KPNA6: variants seen among roughly 807,000 people sequenced by gnomAD.
KPNA6 encodes the protein importin subunit alpha-7.
KPNA6 carries 9 observed loss-of-function variants against 72.0 expected under a neutral mutation model. The ratio of observed to expected loss-of-function variants is 0.13; its 90% CI spans 0.08 to 0.22. The LOEUF is 0.22. Among genes scored for constraint, KPNA6 ranks in the 10% least tolerant of loss-of-function variants. The probability of loss-of-function intolerance (pLI) is 1.00; values close to 1 mark genes in which losing one functional copy is unlikely to be tolerated. For synonymous variants in KPNA6, 219 were observed against 242.1 expected, an observed-to-expected ratio of 0.90 and a Z score of 0.89; for missense variants, 374 against 655.7, an observed-to-expected ratio of 0.57 and a Z score of 4.69.
intron 1 of KPNA6, among the ~76,000 whole-genome samples, chr1:32,125,761 T>G (rs1202932160): frequency 6.6e-6 from 1 of 152,168 alleles, no homozygotes; most frequent in Non-Finnish European, 1.5e-5. Flanking sequence ...TCCAGAATCC[T>G]AATTTTTTGA....
intron 10 of KPNA6, 23 bp from the exon 11 acceptor site, chr1:32,166,082 T>C: frequency 6.3e-7 from 1 of 1,576,008 alleles, no homozygotes; most frequent in Non-Finnish European, 8.6e-7. Context: ...TTTCTTTTGT[T>C]TCCTGTGCTT....
chr1:32,111,687 T>C (rs963245218), intron 1 of KPNA6, among the ~76,000 whole-genome samples: 30 of 152,202 alleles, frequency 2.0e-4, no homozygotes, highest in Admixed American at 1.2e-3. Flanking sequence ...TGCCTTCACA[T>C]GCCCACAAGT....
rs1039173762 is a variant in KPNA6 at position 32,149,048 on chromosome 1, C to A, written c.5-5540C>A. ...CCACTCGATTCTGTTCATTTTTCTT[C>A]ATTCTTTATTCTTTCTGCTCCTCAG... On this transcript the variant is annotated intron_variant, in intron 1 of 13. Coordinates refer to ENST00000373625, the MANE Select transcript of KPNA6 (RefSeq NM_012316.5). Among the ~76,000 whole-genome samples, 20 of 152,208 alleles carry A rather than the reference C, an allele frequency of 1.3e-4. 1 individual carries two copies. Among genetic ancestry groups the A allele is most frequent in the African/African-American group, 4.6e-4 (19 of 41,522 alleles).
intron 1 of KPNA6, among the ~76,000 whole-genome samples, chr1:32,133,743 T>G (rs1299295055): frequency 6.6e-6 from 1 of 152,044 alleles, no homozygotes; most frequent in Admixed American, 6.6e-5. Flanking sequence ...GCAAGAATTC[T>G]ATATCTGGCC....
At chr1:32,130,758 A>G (rs1034009939) in intron 1 of KPNA6, among the ~76,000 whole-genome samples, 1 of 151,806 alleles carries the variant, frequency 6.6e-6, no homozygotes, top group Admixed American at 6.6e-5. Flanking sequence ...GTGAGACTCT[A>G]TCTCAAAGAA....
intron 11 of KPNA6, among the ~76,000 whole-genome samples, chr1:32,166,436 C>G (rs1485010886): frequency 1.3e-5 from 2 of 151,658 alleles, no homozygotes; most frequent in African/African-American, 4.9e-5. Context: ...ACCATCCTGG[C>G]CAACATGGTG....
intron 1 of KPNA6, among the ~76,000 whole-genome samples, chr1:32,135,771 G>T (rs12036007): frequency 6.6e-6 from 1 of 151,018 alleles, no homozygotes; most frequent in African/African-American, 2.4e-5. Flanking sequence ...CCTGGCCATA[G>T]AGTTATGGGG....
At chr1:32,158,709 T>C (rs2124071294) in intron 5 of KPNA6, among the ~76,000 whole-genome samples, 1 of 152,316 alleles carries the variant, frequency 6.6e-6, no homozygotes, top group East Asian at 1.9e-4. Context: ...GGTTATTAGA[T>C]GAAAGCCCTA....
Position 32,172,914 on chromosome 1 carries a change from A to C in KPNA6, c.*2020A>C. The C allele has an allele frequency of 2.5e-6, 1 of 396,016 alleles. No individual in the cohort carries two copies. The highest frequency in any genetic ancestry group is 4.4e-6 in the Non-Finnish European group (1 of 225,076). The allele number at this position is 396,016 out of a possible 1,614,324, so 24.5% of individuals were successfully genotyped here. A position where few individuals can be genotyped will look rare whatever the true frequency, so the allele number is the denominator to read the frequency against. On this transcript the variant is annotated 3_prime_UTR_variant, in exon 14 of 14. Coordinates refer to ENST00000373625, the MANE Select transcript of KPNA6 (RefSeq NM_012316.5). The stretch of plus-strand genomic sequence containing the variant: ...TTATAGACCTAAAGTTCAGGTACTT[A>C]TTATTGGCCATTGATCTTGAATTTG...
intron 1 of KPNA6, among the ~76,000 whole-genome samples, chr1:32,117,037 A>T (rs1215683352): frequency 6.6e-6 from 1 of 152,216 alleles, no homozygotes; most frequent in East Asian, 1.9e-4. Context: ...TCACCATAAC[A>T]GATAAAACAA....
chr1:32,148,513 T>G (rs1409911953), intron 1 of KPNA6, among the ~76,000 whole-genome samples: 2 of 152,052 alleles, frequency 1.3e-5, no homozygotes, highest in Admixed American at 6.6e-5. Context: ...TTCTACCTCT[T>G]TATCTTCTGC....
intron 4 of KPNA6, 130 bp downstream of exon 4, chr1:32,157,575 A>T: frequency 1.6e-6 from 1 of 637,532 alleles, no homozygotes; most frequent in South Asian, 1.9e-5. Context: ...TTGCTTGTAC[A>T]AGATAGACAC....
chr1:32,170,675 C>G, intron 13 of KPNA6, 32 bp from the exon 14 acceptor site: 1 of 1,593,720 alleles, frequency 6.3e-7, no homozygotes, highest in East Asian at 2.2e-5. Flanking sequence ...AAAGCACTCA[C>G]ACTTCCCTCT....
At chr1:32,113,505 G>A (rs1207026082) in intron 1 of KPNA6, among the ~76,000 whole-genome samples, 2 of 152,162 alleles carry the variant, frequency 1.3e-5, no homozygotes, top group African/African-American at 4.8e-5. Flanking sequence ...AGGCTGGAAT[G>A]CAGTGGTGCT....
chr1:32,147,650 CTTTTT>C (rs915571659), intron 1 of KPNA6, among the ~76,000 whole-genome samples: 869 of 81,844 alleles, frequency 0.011, 12 homozygotes, highest in African/African-American at 0.039. Context: ...GATTTCTTTT[CTTTTT>C]TTTTTTTTTT....
At chr1:32,155,833 G>A (rs145192922) in intron 2 of KPNA6, among the ~76,000 whole-genome samples, 110 of 151,430 alleles carry the variant, frequency 7.3e-4, no homozygotes, top group African/African-American at 2.5e-3. Flanking sequence ...TCAAGCTCCC[G>A]GGCTCAAGTG....
chr1:32,141,632 G>T (rs546057375), intron 1 of KPNA6, among the ~76,000 whole-genome samples: 3 of 151,832 alleles, frequency 2.0e-5, no homozygotes, highest in South Asian at 2.1e-4. Context: ...CCTGAACTCA[G>T]ATGATCCACC....
chr1:32,164,235 C>T (rs769981702), intron 10 of KPNA6, among the ~76,000 whole-genome samples: 1 of 152,194 alleles, frequency 6.6e-6, no homozygotes, highest in Non-Finnish European at 1.5e-5. Context: ...TGCATCAGAA[C>T]TCCTTTGAAA....
chr1:32,113,790 C>T (rs1641280316), intron 1 of KPNA6, among the ~76,000 whole-genome samples: 1 of 152,152 alleles, frequency 6.6e-6, no homozygotes, highest in Non-Finnish European at 1.5e-5. Flanking sequence ...TAGATTCCAT[C>T]TCAAGAAACC....
Sources: allele counts gnomAD v4.1 joint callset (sites outside exome capture counted in the v4.1 genomes callset), GRCh38; gene constraint gnomAD v4.1.1; transcripts MANE v1.5; gene names NCBI Gene and HGNC (gene_info 2026-07-23, HGNC 2026-07-21).